MUC20: variants seen among roughly 807,000 people sequenced by gnomAD.
The protein encoded by MUC20 is mucin 20, cell surface associated, also known as mucin-20.
In MUC20, 14 loss-of-function variants were observed where a neutral mutation model predicts 23.8. That is an observed-to-expected ratio of 0.59 (90% CI 0.39 to 0.92). MUC20 has a LOEUF of 0.92. MUC20 is among the 40% of genes least tolerant of loss of function. The pLI is 0.00. For synonymous variants in MUC20, 166 were observed against 279.3 expected, an observed-to-expected ratio of 0.59 and a Z score of 4.04; for missense variants, 375 against 668.8, an observed-to-expected ratio of 0.56 and a Z score of 4.85.
chr3:195,729,923 G>C, intron 3 of MUC20, 184 bp downstream of exon 3: 3 of 635,502 alleles, frequency 4.7e-6, no homozygotes, highest in Non-Finnish European at 2.7e-6. Context: ...TGCCTTCTCC[G>C]AGTTCTTCAT....
intron 3 of MUC20, among the ~76,000 whole-genome samples, chr3:195,730,507 A>G (rs1307226216): frequency 5.3e-5 from 8 of 149,896 alleles, no homozygotes; most frequent in Non-Finnish European, 8.9e-5. Flanking sequence ...CACCACGCCC[A>G]ACTAATTTTT....
At position 195,733,285 on chromosome 3, in the gene MUC20, C is replaced by A. The variant is rs563628173; in HGVS notation, c.*67C>A. The A allele has an allele frequency of 5.6e-5, 87 of 1,552,972 alleles. 2 individuals carry two copies. The South Asian group carries it at 9.3e-4, about 17-fold the overall frequency. ...AGGGTGCTGCCCCTAGCCTGGGCCC[C>A]CACCGACAGACTGCAGCTGCGTTAC... On this transcript the variant is annotated 3_prime_UTR_variant, in exon 4 of 4. Transcript: ENST00000447234.
intron 2 of MUC20, among the ~76,000 whole-genome samples, chr3:195,728,608 C>T (rs1025848283): frequency 3.3e-5 from 5 of 152,062 alleles, no homozygotes; most frequent in African/African-American, 1.2e-4. Flanking sequence ...AGGCAGGAGA[C>T]AGTGGCCTTC....
In MUC20 at chr3:195,726,391, C is replaced by T. The variant is rs1712670704; in HGVS notation, c.1788C>T (p.Thr596=). 5.0e-6 allele frequency: 8 copies of T among 1,613,992 alleles called. No individual in the cohort carries two copies. The highest frequency in any genetic ancestry group is 6.8e-6 in the Non-Finnish European group (8 of 1,179,864). The change falls in exon 2 of 4, where the codon ACC becomes ACT. Residue 596 remains threonine (T), a synonymous_variant. Coordinates refer to ENST00000447234, the MANE Select transcript of MUC20 (RefSeq NM_001282506.2). ...AGACACCGACCATGGACATCGCAAC[C>T]AAGGGGCCCTTCCCCACCAGCAGGG... The part of the protein sequence containing the change: ...PSETPTMDIA[T]KGPFPTSRDP...
At chr3:195,731,100 A>G (rs1160131584) in intron 3 of MUC20, among the ~76,000 whole-genome samples, 1 of 152,264 alleles carries the variant, frequency 6.6e-6, no homozygotes, top group East Asian at 1.9e-4. Flanking sequence ...TGCACAGTCT[A>G]ATGTGGATTG....
intron 3 of MUC20, among the ~76,000 whole-genome samples, chr3:195,731,170 A>G (rs1419284031): frequency 5.3e-5 from 8 of 152,206 alleles, no homozygotes; most frequent in African/African-American, 1.7e-4. Context: ...CTCACAGTCA[A>G]TGGGACAGTG....
chr3:195,733,074 C>G, intron 3 of MUC20, 76 bp from the exon 4 acceptor site: 1 of 1,480,026 alleles, frequency 6.8e-7, no homozygotes, highest in South Asian at 1.2e-5. Context: ...GCCCCAGTGT[C>G]CCTTCCTGTC....
intron 3 of MUC20, among the ~76,000 whole-genome samples, chr3:195,731,791 G>C (rs1170342314): frequency 2.0e-5 from 3 of 152,254 alleles, no homozygotes; most frequent in African/African-American, 7.2e-5. Context: ...ACGGGAAGAA[G>C]GGATGTCTGT....
chr3:195,723,065 T>G (rs1712311106), intron 1 of MUC20, among the ~76,000 whole-genome samples: 1 of 150,850 alleles, frequency 6.6e-6, no homozygotes, highest in African/African-American at 2.4e-5. Context: ...ATTGTGACCC[T>G]GTTTTCTCAG....
intron 1 of MUC20, chr3:195,724,247 G>C (rs1712401207): frequency 1.0e-5 from 1 of 97,220 alleles, no homozygotes; most frequent in Admixed American, 1.0e-4. Context: ...GTCTTTTAAG[G>C]GTTTTTACTT....
At chr3:195,731,928 A>G (rs1713429748) in intron 3 of MUC20, among the ~76,000 whole-genome samples, 1 of 151,960 alleles carries the variant, frequency 6.6e-6, no homozygotes, top group South Asian at 2.1e-4. Flanking sequence ...GGCATGTGAT[A>G]ATCAAAGTAG....
At chr3:195,727,174 C>T (rs1056808679) in intron 2 of MUC20, among the ~76,000 whole-genome samples, 3 of 152,256 alleles carry the variant, frequency 2.0e-5, no homozygotes, top group Non-Finnish European at 2.9e-5. Context: ...CAGAGGCCGG[C>T]GGATCACCTG....
intron 3 of MUC20, among the ~76,000 whole-genome samples, chr3:195,730,380 C>T (rs985251714): frequency 3.9e-5 from 6 of 152,366 alleles, no homozygotes; most frequent in Middle Eastern, 3.4e-3. Context: ...AAGTCTCGCT[C>T]TGTCGCCCAG....
At position 195,729,719 on chromosome 3, in the gene MUC20, G is replaced by C; in HGVS notation, c.2041G>C (p.Ala681Pro). 1.3e-6 allele frequency: 2 copies of C among 1,597,762 alleles called. No homozygotes were observed. The highest frequency in any genetic ancestry group is 1.1e-5 in the South Asian group (1 of 88,260). The change falls in exon 3 of 4, where the codon GCA becomes CCA. Residue 681 changes from alanine (A) to proline (P), a missense_variant. Transcript: ENST00000447234. The stretch of plus-strand genomic sequence containing the variant: ...GGAAGACCTCACTGACCCCAGAGTG[G>C]CAGAAAGGCTGATGCAGCAGGTGAG... ...SPEDLTDPRV[A>P]ERLMQQLHRE...
At chr3:195,728,160 G>C (rs1653593250) in intron 2 of MUC20, among the ~76,000 whole-genome samples, 1 of 152,248 alleles carries the variant, frequency 6.6e-6, no homozygotes, top group African/African-American at 2.4e-5. Context: ...ATGAGAGACT[G>C]AGAAAAGAAA....
rs1310392132 is a variant in MUC20, at chr3:195,725,736, C to A, written c.1133C>A (p.Thr378Asn). The stretch of plus-strand genomic sequence containing the variant: ...TCCGACGGCCCCCATCCAGTCATCA[C>A]CCCGTCACGGGCCTCAGAGAGCAGC... ...ASSDGPHPVI[T>N]PSRASESSAS... Residue 378 changes from threonine (T) to asparagine (N), a missense_variant, in exon 2 of 4, where the codon ACC becomes AAC. By Grantham distance (65) the Thr-to-Asn change is moderately conservative. Coordinates refer to ENST00000447234, the MANE Select transcript of MUC20 (RefSeq NM_001282506.2). The A allele has an allele frequency of 1.1e-6, 1 of 887,394 alleles. No individual in the cohort carries two copies. Among genetic ancestry groups the A allele is most frequent in the Non-Finnish European group, 1.8e-6 (1 of 542,164 alleles). 55.0% of individuals were successfully genotyped at this position (887,394 alleles called of 1,614,324 possible).
chr3:195,733,027 A>G (rs1713556372), intron 3 of MUC20, 123 bp from the exon 4 acceptor site: 2 of 988,596 alleles, frequency 2.0e-6, no homozygotes, highest in African/African-American at 1.6e-5. Flanking sequence ...AGCATGTAGG[A>G]GGCCCAGGAA....
chr3:195,730,970 C>A (rs981119167), intron 3 of MUC20, among the ~76,000 whole-genome samples: 16 of 152,258 alleles, frequency 1.1e-4, no homozygotes, highest in African/African-American at 3.8e-4. Context: ...GCAGATGTCA[C>A]GGGCCTGGCC....
Position 195,726,224 on chromosome 3 carries a change from C to G in MUC20, c.1621C>G (p.Pro541Ala). The G allele has an allele frequency of 6.2e-7, 1 of 1,613,582 alleles. No individual in the cohort carries two copies. The highest frequency in any genetic ancestry group is 8.5e-7 in the Non-Finnish European group (1 of 1,179,568). Residue 541 changes from proline to alanine, a missense_variant, in exon 2 of 4, where the codon CCA becomes GCA. Physicochemically the swap from Pro to Ala is conservative, Grantham distance 27. Transcript: ENST00000447234. ...AACCTCAGCCCTCTCTGTTGAGACA[C>G]CAAGTTACGTCAAAGTCTCAGGAGC... Reference protein sequence around the residue: ...EETSALSVETPSYVKVSGAAP... With the variant: ...EETSALSVETASYVKVSGAAP...
Sources: gnomAD v4.1 joint callset for allele counts (sites outside exome capture counted in the v4.1 genomes callset) on GRCh38, gnomAD v4.1.1 for gene constraint, MANE v1.5 for transcripts, NCBI Gene and HGNC (gene_info 2026-07-23, HGNC 2026-07-21) for gene names.